Variants in USP31 observed in about 807,000 individuals in gnomAD.
USP31 encodes ubiquitin carboxyl-terminal hydrolase 31.
In USP31, 44 loss-of-function variants were observed where a neutral mutation model predicts 119.4. That is an observed-to-expected ratio of 0.37 (90% CI 0.29 to 0.47). The LOEUF (loss-of-function observed/expected upper bound fraction) is 0.47, where lower values mean the gene tolerates loss of function less well. Among genes scored for constraint, USP31 ranks in the 20% least tolerant of loss-of-function variants. The pLI is 0.99. For missense variants in USP31, 1,643 were observed against 1,730.2 expected (o/e 0.95, Z 0.89); for synonymous variants, 749 against 705.6 (o/e 1.06, Z -0.97).
chr16:23,096,199 C>G (rs1901601001), intron 6 of USP31, among the ~76,000 whole-genome samples: 1 of 152,040 alleles, frequency 6.6e-6, no homozygotes, highest in Non-Finnish European at 1.5e-5. Flanking sequence ...CAATCCTAGT[C>G]TCTCATAAAA....
intron 1 of USP31, among the ~76,000 whole-genome samples, chr16:23,111,280 G>A (rs1468620219): frequency 6.6e-6 from 1 of 152,168 alleles, no homozygotes; most frequent in Non-Finnish European, 1.5e-5. Flanking sequence ...GAATGGGAAG[G>A]CAGATTTGGG....
rs1479989040 is a variant in USP31, at chr16:23,069,381, G to A, written c.2724C>T (p.Ser908=). 2 of 1,610,368 alleles carry A rather than the reference G, an allele frequency of 1.2e-6. No homozygotes were observed. Among genetic ancestry groups the A allele is most frequent in the African/African-American group, 1.3e-5 (1 of 74,874 alleles). Residue 908 remains serine (S), a synonymous_variant, in exon 16 of 16, where the codon TCC becomes TCT. Transcript: ENST00000219689. ...KIGEAADDKV[S]ISCFGSLRNL... ...TCCGCAAGCTACCAAAGCAAGAGAT[G>A]GAGACCTTGTCATCTGCTGCCTCCC... is the stretch of plus-strand genomic sequence containing the variant.
chr16:23,083,978 T>G (rs1900972111), intron 11 of USP31, among the ~76,000 whole-genome samples: 1 of 152,322 alleles, frequency 6.6e-6, no homozygotes, highest in African/African-American at 2.4e-5. Context: ...TATCTCTGTC[T>G]TAACGAGGCA....
Position 23,087,072 on chromosome 16 carries a change from T to TA in USP31, c.1622+19dup. ...ATGTGTGAGATTCTAAAAGGTAATT[T>TA]AAAAAAAAATTTTTTTTACCTTTCT... On this transcript the variant is annotated intron_variant, in intron 9 of 15. Transcript: ENST00000219689. 1.4e-5 allele frequency: 22 copies of TA among 1,576,392 alleles called. No homozygotes were observed. Among genetic ancestry groups the TA allele is most frequent in the Admixed American group, 7.1e-5 (4 of 56,292 alleles).
chr16:23,073,993 T>C, intron 13 of USP31, 113 bp from the exon 14 acceptor site: 1 of 1,399,106 alleles, frequency 7.1e-7, no homozygotes, highest in Non-Finnish European at 1.0e-6. Flanking sequence ...GTTTTAAGGC[T>C]GCGTATAGCA....
Position 23,066,456 on chromosome 16 carries a change from A to G in USP31, c.*1590T>C, listed in dbSNP as rs1044867023. The G allele has an allele frequency of 3.3e-5, 5 of 152,462 alleles. No individual in the cohort carries two copies. The highest frequency in any genetic ancestry group is 7.2e-5 in the African/African-American group (3 of 41,456). The allele number at this position is 152,462 out of a possible 1,614,324, so 9.4% of individuals were successfully genotyped here. On this transcript the variant is annotated 3_prime_UTR_variant, in exon 16 of 16. Coordinates refer to ENST00000219689, the MANE Select transcript of USP31 (RefSeq NM_020718.4). Reference sequence around the variant, plus strand: ...GTGCAGAATTCACAGCTATGCATGCATATGTGTTGTAGTTAATTCACACAC... The same window carrying G: ...GTGCAGAATTCACAGCTATGCATGCGTATGTGTTGTAGTTAATTCACACAC...
In USP31 at chr16:23,105,424, C is replaced by A; in HGVS notation, c.1089+17G>T. 1 of 1,590,948 alleles carries A rather than the reference C, an allele frequency of 6.3e-7. No individual in the cohort carries two copies. The highest frequency in any genetic ancestry group is 1.2e-5 in the South Asian group (1 of 86,858). On this transcript the variant is annotated intron_variant, in intron 5 of 15. Coordinates refer to ENST00000219689, the MANE Select transcript of USP31 (RefSeq NM_020718.4). ...CTTTTGTGGCTCATGTGTAACTGGTCTTAGCAGACTTATTACCTGATCAGT... is the reference window on the plus strand; with the variant it reads ...CTTTTGTGGCTCATGTGTAACTGGTATTAGCAGACTTATTACCTGATCAGT...
intron 1 of USP31, among the ~76,000 whole-genome samples, chr16:23,144,459 T>A (rs145391875): frequency 2.6e-5 from 4 of 152,142 alleles, no homozygotes; most frequent in African/African-American, 9.6e-5. Context: ...CAGGTCCACC[T>A]TCTGGTGTTT....
At chr16:23,119,041 A>C (rs544457471) in intron 1 of USP31, among the ~76,000 whole-genome samples, 3 of 152,270 alleles carry the variant, frequency 2.0e-5, no homozygotes, top group African/African-American at 7.2e-5. Context: ...TCTTATTTAT[A>C]GATGAAAAAA....
At chr16:23,110,113 C>T (rs967451026) in intron 1 of USP31, among the ~76,000 whole-genome samples, 1 of 152,180 alleles carries the variant, frequency 6.6e-6, no homozygotes, top group Non-Finnish European at 1.5e-5. Flanking sequence ...AGGATATTAA[C>T]AAAAGGGAAA....
rs766064773 is a variant in USP31, at chr16:23,084,910, G to C, written c.1780C>G (p.Gln594Glu). The part of the protein sequence containing the change: ...RLQRERHHQP[Q>E]TCTLSQCFQL... ...AAACACTGGGATAAAGTGCAGGTTT[G>C]AGGCTGATGATGACGCTCCCTTTGC... The change falls in exon 11 of 16, where the codon CAA (glutamine) becomes GAA (glutamate). Residue 594 changes from glutamine to glutamate, a missense_variant. Physicochemically the swap from Gln to Glu is conservative, Grantham distance 29. Transcript: ENST00000219689. 1 of 1,614,164 alleles carries C rather than the reference G, an allele frequency of 6.2e-7. No homozygotes were observed. Among genetic ancestry groups the C allele is most frequent in the Non-Finnish European group, 8.5e-7 (1 of 1,180,034 alleles).
intron 13 of USP31, 93 bp downstream of exon 13, chr16:23,079,853 G>GGA: frequency 1.2e-5 from 14 of 1,217,056 alleles, no homozygotes; most frequent in Non-Finnish European, 1.6e-5. Flanking sequence ...CTACCGGAGG[G>GGA]GAAATGAGGC....
intron 6 of USP31, among the ~76,000 whole-genome samples, chr16:23,096,810 C>T (rs141488339): frequency 0.013 from 2,009 of 152,046 alleles, 12 homozygotes; most frequent in Non-Finnish European, 0.02. Context: ...ACAAAGACAA[C>T]GTACCAGAAT....
intron 1 of USP31, among the ~76,000 whole-genome samples, chr16:23,124,549 T>C (rs1293849529): frequency 1.3e-5 from 2 of 152,076 alleles, no homozygotes; most frequent in African/African-American, 4.8e-5. Context: ...ACTGGAGATA[T>C]AAATAAATAC....
intron 14 of USP31, chr16:23,072,400 T>C (rs1396238674): frequency 4.6e-6 from 3 of 655,584 alleles, no homozygotes; most frequent in Non-Finnish European, 7.9e-6. Flanking sequence ...TAAGGCAGAC[T>C]TCCTGACGCA....
chr16:23,140,031 T>C (rs991663407), intron 1 of USP31, among the ~76,000 whole-genome samples: 2 of 152,200 alleles, frequency 1.3e-5, no homozygotes, highest in South Asian at 2.1e-4. Context: ...ATTCCTGTGA[T>C]TGTTTTCTCG....
rs114579625 is a variant in USP31, at chr16:23,085,642, G to A, written c.1643C>T (p.Pro548Leu). The change falls in exon 10 of 16, where the codon CCA becomes CTA. Residue 548 changes from proline to leucine, a missense_variant. Physicochemically the swap from Pro to Leu is moderately conservative, Grantham distance 98. This residue lies in a region of USP31 where 219 missense variants were observed against 226.4 expected (regional missense o/e 0.97). Coordinates refer to ENST00000219689, the MANE Select transcript of USP31 (RefSeq NM_020718.4). ...IVERALKSCGPGGTAHVKLVV... is the reference protein window; with the variant it reads ...IVERALKSCGLGGTAHVKLVV... Reference sequence around the variant, plus strand: ...TAATTTCACATGAGCAGTGCCACCTGGTCCACAAGATTTTAATGCCCTATA... The same window carrying A: ...TAATTTCACATGAGCAGTGCCACCTAGTCCACAAGATTTTAATGCCCTATA... The A allele has an allele frequency of 2.6e-5, 42 of 1,613,802 alleles. No homozygotes were observed. In the East Asian group the frequency reaches 8.7e-4, roughly 33 times the overall value.
chr16:23,122,664 T>C (rs1167946917), intron 1 of USP31, among the ~76,000 whole-genome samples: 1 of 152,178 alleles, frequency 6.6e-6, no homozygotes, highest in South Asian at 2.1e-4. Flanking sequence ...ATGATTAATC[T>C]TGAAAATACC....
chr16:23,094,684 A>G (rs897886363), intron 6 of USP31, among the ~76,000 whole-genome samples: 1 of 152,188 alleles, frequency 6.6e-6, no homozygotes, highest in Non-Finnish European at 1.5e-5. Flanking sequence ...GCTGTTCTGC[A>G]GCCTCTACTG....
Sources: allele counts gnomAD v4.1 joint callset (sites outside exome capture counted in the v4.1 genomes callset), GRCh38; gene constraint gnomAD v4.1.1; regional missense constraint gnomAD v4.1.1; transcripts MANE v1.5; gene names NCBI Gene and HGNC (gene_info 2026-07-23, HGNC 2026-07-21).